ZNF608: variants seen among roughly 807,000 people sequenced by gnomAD.
ZNF608 encodes the protein renal carcinoma antigen NY-REN-36.
A neutral mutation model predicts 109.0 loss-of-function variants in ZNF608; 12 were observed. The observed-to-expected ratio is 0.11, with a 90% CI of 0.07 to 0.18. The LOEUF (loss-of-function observed/expected upper bound fraction) is 0.18. ZNF608 is among the 10% of genes least tolerant of loss of function. ZNF608 has a pLI of 1.00. For missense variants in ZNF608, 1,707 were observed against 1,879.3 expected (o/e 0.91, Z 1.70); for synonymous variants, 732 against 717.4 (o/e 1.02, Z -0.33).
intron 3 of ZNF608, among the ~76,000 whole-genome samples, chr5:124,693,844 G>C (rs1752713837): frequency 6.6e-6 from 1 of 151,796 alleles, no homozygotes; most frequent in Non-Finnish European, 1.5e-5. Context: ...CAAAACCCCG[G>C]ACAATTCCTT....
chr5:124,732,357 TTAAAG>T (rs1748946529), intron 2 of ZNF608, among the ~76,000 whole-genome samples: 1 of 152,024 alleles, frequency 6.6e-6, no homozygotes, highest in African/African-American at 2.4e-5. Context: ...ACTCCCAAGA[TTAAAG>T]TAAAAATAAA....
chr5:124,669,658 A>AACACACACACACAC (rs56258363), intron 3 of ZNF608, among the ~76,000 whole-genome samples: 1 of 148,156 alleles, frequency 6.7e-6, no homozygotes. Context: ...AACACACACA[A>AACACACACACACAC]ACACACACAC....
At chr5:124,675,549 G>T (rs748434448) in intron 3 of ZNF608, among the ~76,000 whole-genome samples, 1 of 152,054 alleles carries the variant, frequency 6.6e-6, no homozygotes, top group African/African-American at 2.4e-5. Context: ...TATTGTATCC[G>T]TTAATATTTT....
intron 2 of ZNF608, among the ~76,000 whole-genome samples, chr5:124,704,731 G>C (rs143493359): frequency 2.6e-5 from 4 of 152,044 alleles, no homozygotes; most frequent in African/African-American, 9.7e-5. Flanking sequence ...GCCTTGCCAC[G>C]TGACTTGCCC....
chr5:124,689,618 A>G (rs538025331), intron 3 of ZNF608, among the ~76,000 whole-genome samples: 7 of 152,342 alleles, frequency 4.6e-5, no homozygotes, highest in African/African-American at 1.7e-4. Flanking sequence ...AAAAAGATAT[A>G]CAGATGGCTG....
chr5:124,719,008 C>T (rs923750361), intron 2 of ZNF608, among the ~76,000 whole-genome samples: 1 of 152,136 alleles, frequency 6.6e-6, no homozygotes, highest in Non-Finnish European at 1.5e-5. Context: ...TGCCTTCCAC[C>T]AATATGTAAC....
At chr5:124,640,991 C>CGCCCTCAG (rs1750210663) in intron 8 of ZNF608, among the ~76,000 whole-genome samples, 2 of 152,282 alleles carry the variant, frequency 1.3e-5, no homozygotes, top group African/African-American at 4.8e-5. Context: ...CACTGGCCAC[C>CGCCCTCAG]GCCCTCAGTC....
At chr5:124,705,465 C>G (rs146167755) in intron 2 of ZNF608, among the ~76,000 whole-genome samples, 1 of 152,128 alleles carries the variant, frequency 6.6e-6, no homozygotes, top group South Asian at 2.1e-4. Context: ...GTGAGATAAT[C>G]CGTGCAAAGT....
At chr5:124,656,171 T>C (rs951972453) in intron 3 of ZNF608, among the ~76,000 whole-genome samples, 13 of 152,068 alleles carry the variant, frequency 8.5e-5, no homozygotes, top group African/African-American at 3.1e-4. Context: ...GAACAAATAG[T>C]GTATGGCAAT....
intron 3 of ZNF608, among the ~76,000 whole-genome samples, chr5:124,650,402 A>C (rs79293318): frequency 0.012 from 1,878 of 152,156 alleles, 57 homozygotes; most frequent in African/African-American, 0.043. Flanking sequence ...CAATAGATTT[A>C]CTCTTGGGGT....
chr5:124,711,367 C>T (rs772162790), intron 2 of ZNF608, among the ~76,000 whole-genome samples: 4 of 152,190 alleles, frequency 2.6e-5, no homozygotes, highest in South Asian at 4.1e-4. Flanking sequence ...TTTGACATGA[C>T]CATATACTAT....
chr5:124,662,836 C>A (rs1246910577), intron 3 of ZNF608, among the ~76,000 whole-genome samples: 3 of 152,164 alleles, frequency 2.0e-5, no homozygotes, highest in Admixed American at 6.5e-5. Flanking sequence ...CACAGACACA[C>A]ACACTTCTGG....
At chr5:124,646,254 A>G (rs988941033) in intron 5 of ZNF608, among the ~76,000 whole-genome samples, 2 of 152,250 alleles carry the variant, frequency 1.3e-5, no homozygotes, top group East Asian at 1.9e-4. Context: ...CCAGCTACTC[A>G]GGAGGCTGAC....
intron 2 of ZNF608, among the ~76,000 whole-genome samples, chr5:124,709,170 C>CAAAAAA (rs1156276798): frequency 0.021 from 703 of 32,706 alleles, 105 homozygotes; most frequent in South Asian, 0.09. Context: ...GACTCTGTCT[C>CAAAAAA]AAAAAAAAAA....
intron 2 of ZNF608, among the ~76,000 whole-genome samples, chr5:124,704,024 T>C (rs1364718339): frequency 6.6e-6 from 1 of 152,204 alleles, no homozygotes; most frequent in African/African-American, 2.4e-5. Context: ...TGTAAGTTAA[T>C]TGTGTTTGTT....
chr5:124,651,520 C>A (rs897945548), intron 3 of ZNF608, among the ~76,000 whole-genome samples: 23 of 152,346 alleles, frequency 1.5e-4, no homozygotes, highest in African/African-American at 5.5e-4. Context: ...TAGGCTGAAT[C>A]ACTGCGTTCC....
chr5:124,730,736 C>T (rs1370415544), intron 2 of ZNF608, among the ~76,000 whole-genome samples: 1 of 152,110 alleles, frequency 6.6e-6, no homozygotes, highest in Non-Finnish European at 1.5e-5. Flanking sequence ...GTATACAGAA[C>T]AGGTTAGAGA....
intron 3 of ZNF608, among the ~76,000 whole-genome samples, chr5:124,690,996 A>G (rs2149837140): frequency 6.6e-6 from 1 of 152,034 alleles, no homozygotes; most frequent in Non-Finnish European, 1.5e-5. Context: ...AACTTTTTTT[A>G]CACAATTTTT....
At chr5:124,674,215 G>A (rs1188949307) in intron 3 of ZNF608, among the ~76,000 whole-genome samples, 10 of 152,150 alleles carry the variant, frequency 6.6e-5, no homozygotes, top group Non-Finnish European at 1.5e-5. Flanking sequence ...GGTAAAGTCA[G>A]ACAAGGGCTA....
Sources: gnomAD v4.1 joint callset for allele counts (sites outside exome capture counted in the v4.1 genomes callset) on GRCh38, gnomAD v4.1.1 for gene constraint, MANE v1.5 for transcripts, NCBI Gene and HGNC (gene_info 2026-07-23, HGNC 2026-07-21) for gene names.